Variants in SYNJ2 observed in about 807,000 individuals in gnomAD.
The protein encoded by SYNJ2 is synaptojanin 2.
SYNJ2 carries 116 observed loss-of-function variants against 141.3 expected under a neutral mutation model. The observed-to-expected ratio is 0.82, with a 90% CI of 0.71 to 0.96. The LOEUF (loss-of-function observed/expected upper bound fraction) is 0.96. Among genes scored for constraint, SYNJ2 ranks in the 40% least tolerant of loss-of-function variants. SYNJ2 has a pLI of 0.00. For missense variants in SYNJ2, 1,873 were observed against 1,934.8 expected (o/e 0.97, Z 0.60); for synonymous variants, 745 against 777.7 (o/e 0.96, Z 0.70).
At chr6:158,092,875 C>A in intron 25 of SYNJ2, 51 bp from the exon 26 acceptor site, 1 of 1,491,902 alleles carries the variant, frequency 6.7e-7, no homozygotes, top group Non-Finnish European at 9.0e-7. Context: ...CGAAATCATG[C>A]AGTGAATTGC....
chr6:158,009,790 G>A (rs1354299804), intron 1 of SYNJ2, among the ~76,000 whole-genome samples: 4 of 152,238 alleles, frequency 2.6e-5, no homozygotes, highest in African/African-American at 9.6e-5. Context: ...GCCAGCACTG[G>A]AAGGTCTGGA....
intron 9 of SYNJ2, among the ~76,000 whole-genome samples, chr6:158,064,371 G>A (rs951370959): frequency 3.3e-5 from 5 of 152,008 alleles, no homozygotes; most frequent in East Asian, 1.9e-4. Flanking sequence ...GTGCAGGGGC[G>A]TTCAAGTGTC....
chr6:158,062,833 T>G (rs1781305931), intron 8 of SYNJ2, among the ~76,000 whole-genome samples: 1 of 152,164 alleles, frequency 6.6e-6, no homozygotes, highest in Admixed American at 6.5e-5. Flanking sequence ...TTTTTCACAT[T>G]TGTGGGGTCT....
At position 158,043,372 on chromosome 6, in the gene SYNJ2, G is replaced by C; in HGVS notation, c.768G>C (p.Pro256=). 1.2e-6 allele frequency: 2 copies of C among 1,614,036 alleles called. No homozygotes were observed. The highest frequency in any genetic ancestry group is 1.7e-6 in the Non-Finnish European group (2 of 1,179,940). ...SSFVQIRGSV[P]LFWEQPGLQV... is the part of the protein sequence containing the mutation. ...TTGTCCAGATCAGAGGCTCCGTTCC[G>C]CTGTTCTGGGAACAGCCAGGGCTTC... The change falls in exon 5 of 27, where the codon CCG becomes CCC. Residue 256 remains proline (P), a synonymous_variant. Transcript: ENST00000355585. The surrounding 1 kb of genome is among the most constrained non-coding windows in gnomAD (Gnocchi z 4.0).
chr6:157,987,266 C>T (rs909550664), intron 1 of SYNJ2, among the ~76,000 whole-genome samples: 6 of 152,092 alleles, frequency 3.9e-5, no homozygotes, highest in Non-Finnish European at 8.8e-5. Flanking sequence ...GGATTATAGG[C>T]GTGAGCCACT....
chr6:157,982,140 GC>G lies in SYNJ2; in HGVS notation c.127+55del. On this transcript the variant is annotated intron_variant, in intron 1 of 26. Coordinates refer to ENST00000355585, the MANE Select transcript of SYNJ2 (RefSeq NM_003898.4). The surrounding 1 kb of genome is among the most constrained non-coding windows in gnomAD (Gnocchi z 4.0). ...CCCGGAGGAGAGGGCGCCCGCATTC[GC>G]CCAGCCTCGGGAAGACGGGTACCCC... 7.8e-7 allele frequency: 1 copy of G among 1,284,424 alleles called. No homozygotes were observed. Among genetic ancestry groups the G allele is most frequent in the South Asian group, 2.3e-5 (1 of 43,694 alleles). The allele number at this position is 1,284,424 out of a possible 1,614,324, so 79.6% of individuals were successfully genotyped here.
At chr6:158,016,167 G>A (rs1250783428) in intron 1 of SYNJ2, among the ~76,000 whole-genome samples, 3 of 152,190 alleles carry the variant, frequency 2.0e-5, no homozygotes, top group African/African-American at 4.8e-5. Context: ...AGGCTGGAGT[G>A]CAGTGGCGTA....
chr6:158,050,158 A>G (rs773928151), intron 5 of SYNJ2, among the ~76,000 whole-genome samples: 9 of 152,224 alleles, frequency 5.9e-5, no homozygotes, highest in Non-Finnish European at 1.3e-4. Flanking sequence ...AACCTAAGCC[A>G]AAAGGGAACA....
At chr6:158,092,171 C>G (rs1170462434) in intron 25 of SYNJ2, among the ~76,000 whole-genome samples, 1 of 151,658 alleles carries the variant, frequency 6.6e-6, no homozygotes, top group Non-Finnish European at 1.5e-5. Context: ...TACCTACAGT[C>G]CCGGCTTAAC....
intron 1 of SYNJ2, among the ~76,000 whole-genome samples, chr6:157,986,191 G>C (rs1453387214): frequency 1.3e-5 from 2 of 152,184 alleles, no homozygotes; most frequent in African/African-American, 2.4e-5. Context: ...AAGGGTTCCG[G>C]GGCCCCTGAC....
chr6:158,061,757 G>A (rs577769497), intron 7 of SYNJ2, among the ~76,000 whole-genome samples: 3 of 152,178 alleles, frequency 2.0e-5, no homozygotes, highest in Non-Finnish European at 4.4e-5. Flanking sequence ...TGCTCAAGGG[G>A]GACCTTCTGC....
At position 158,086,845 on chromosome 6, in the gene SYNJ2, T is replaced by G; in HGVS notation, c.3209-10T>G. The G allele has an allele frequency of 6.2e-7, 1 of 1,611,426 alleles. No homozygotes were observed. The highest frequency in any genetic ancestry group is 8.5e-7 in the Non-Finnish European group (1 of 1,179,988). On this transcript the variant is annotated splice_polypyrimidine_tract_variant and intron_variant, in intron 22 of 26. Coordinates refer to ENST00000355585, the MANE Select transcript of SYNJ2 (RefSeq NM_003898.4). ...AGACCATTGTACTCATGCCCCGCCATGTCCTCCAGATGACGCGGACCTGGT... is the reference window on the plus strand; with the variant it reads ...AGACCATTGTACTCATGCCCCGCCAGGTCCTCCAGATGACGCGGACCTGGT...
intron 22 of SYNJ2, among the ~76,000 whole-genome samples, chr6:158,086,367 A>T (rs1441937345): frequency 6.6e-6 from 1 of 152,104 alleles, no homozygotes. Flanking sequence ...ATGGGCCCAC[A>T]GGGTTTGGGA....
intron 2 of SYNJ2, among the ~76,000 whole-genome samples, chr6:158,021,170 A>T (rs1778749073): frequency 6.6e-6 from 1 of 152,000 alleles, no homozygotes. Context: ...GCCTCAAGGG[A>T]CTCTACTCCT....
chr6:158,014,641 G>A (rs535200175), intron 1 of SYNJ2, among the ~76,000 whole-genome samples: 1 of 152,362 alleles, frequency 6.6e-6, no homozygotes, highest in Non-Finnish European at 1.5e-5. Context: ...GAGGTCTCTG[G>A]TCTTACGGTC....
At chr6:158,063,430 G>T (rs1264571452) in intron 8 of SYNJ2, among the ~76,000 whole-genome samples, 4 of 152,092 alleles carry the variant, frequency 2.6e-5, no homozygotes, top group Admixed American at 1.3e-4. Flanking sequence ...GAAGGCTGAG[G>T]TGGGCGGATC....
chr6:157,982,174 C>A lies in SYNJ2; in HGVS notation c.127+86C>A. 8.0e-7 allele frequency: 1 copy of A among 1,244,594 alleles called. No homozygotes were observed. The highest frequency in any genetic ancestry group is 3.1e-5 in the South Asian group (1 of 32,552). The allele number at this position is 1,244,594 out of a possible 1,614,324, so 77.1% of individuals were successfully genotyped here. A position where few individuals can be genotyped will look rare whatever the true frequency, so the allele number is the denominator to read the frequency against. On this transcript the variant is annotated intron_variant, in intron 1 of 26. Transcript: ENST00000355585. The surrounding 1 kb of genome is among the most constrained non-coding windows in gnomAD (Gnocchi z 4.0). ...CGGGAAGACGGGTACCCCCCCTTCC[C>A]GAGGGGATCGGGCGGCGCTGGGACT...
intron 1 of SYNJ2, among the ~76,000 whole-genome samples, chr6:157,983,930 C>T (rs1442326480): frequency 1.3e-5 from 2 of 152,098 alleles, no homozygotes; most frequent in South Asian, 2.1e-4. Context: ...CAGGCTCAAG[C>T]GATCCTCCTG....
intron 1 of SYNJ2, among the ~76,000 whole-genome samples, chr6:157,991,392 C>A (rs767630131): frequency 6.6e-6 from 1 of 152,160 alleles, no homozygotes; most frequent in Non-Finnish European, 1.5e-5. Context: ...GAGAGCCTGC[C>A]GTTCTAACAA....
Sources: gnomAD v4.1 joint callset for allele counts (sites outside exome capture counted in the v4.1 genomes callset) on GRCh38, gnomAD v4.1.1 for gene constraint, Gnocchi (gnomAD v3.1) non-coding constraint, MANE v1.5 for transcripts, NCBI Gene and HGNC (gene_info 2026-07-23, HGNC 2026-07-21) for gene names.